GPR158: variants seen among roughly 807,000 people sequenced by gnomAD.
GPR158 encodes G protein-coupled receptor 158, also known as metabotropic glycine receptor.
GPR158 carries 30 observed loss-of-function variants against 78.2 expected under a neutral mutation model. The observed-to-expected ratio is 0.38, with a 90% CI of 0.29 to 0.52. The LOEUF (loss-of-function observed/expected upper bound fraction) is 0.52. GPR158 is among the 20% of genes least tolerant of loss of function. The pLI, the probability that GPR158 is intolerant of heterozygous loss-of-function variation, is 0.83. For synonymous variants in GPR158, 581 were observed against 591.1 expected (o/e 0.98, Z 0.25); for missense variants, 1,463 against 1,523.5 (o/e 0.96, Z 0.66).
chr10:25,504,763 A>T lies in GPR158; in HGVS notation c.1404+38044A>T, dbSNP rs538226301. 2.5e-3 allele frequency among the ~76,000 whole-genome samples: 379 copies of T among 152,102 alleles called. 4 individuals are homozygous for T. Among genetic ancestry groups the T allele is most frequent in the African/African-American group, 8.7e-3 (360 of 41,484 alleles). On this transcript the variant is annotated intron_variant, in intron 5 of 10. Coordinates refer to ENST00000376351, the MANE Select transcript of GPR158 (RefSeq NM_020752.3). ...GCTGAATACTCTTAAGTTTATATAA[A>T]TTTTTTTTATCCTTTCATGGGAAAG...
intron 5 of GPR158, among the ~76,000 whole-genome samples, chr10:25,487,321 G>A (rs1274889076): frequency 6.6e-6 from 1 of 152,114 alleles, no homozygotes; most frequent in African/African-American, 2.4e-5. Flanking sequence ...GGAGAAATTT[G>A]CACTTCTATA....
At position 25,299,876 on chromosome 10, in the gene GPR158, G is replaced by C. The variant is rs545003875; in HGVS notation, c.1008+78719G>C. On this transcript the variant is annotated intron_variant, in intron 2 of 10. Coordinates refer to ENST00000376351, the MANE Select transcript of GPR158 (RefSeq NM_020752.3). Reference sequence around the variant, plus strand: ...GAATCTCATTATGTCATCCAGGCTGGAGTGCGGTATCATGATCTCAGCTCA... The same window carrying C: ...GAATCTCATTATGTCATCCAGGCTGCAGTGCGGTATCATGATCTCAGCTCA... 5.9e-5 allele frequency among the ~76,000 whole-genome samples: 9 copies of C among 151,944 alleles called. No homozygotes were observed. In the East Asian group the frequency reaches 1.7e-3, roughly 29 times the overall value.
chr10:25,279,323 A>C (rs1160499707), intron 2 of GPR158, among the ~76,000 whole-genome samples: 2 of 152,194 alleles, frequency 1.3e-5, no homozygotes, highest in Admixed American at 1.3e-4. Context: ...CATTTTTCAG[A>C]TAAGAAACCT....
intron 4 of GPR158, among the ~76,000 whole-genome samples, chr10:25,434,065 A>G (rs1318017909): frequency 6.6e-6 from 1 of 152,114 alleles, no homozygotes; most frequent in Admixed American, 6.5e-5. Flanking sequence ...AGACTGAGGC[A>G]GGAGAATGGC....
chr10:25,292,733 C>A (rs1854457710), intron 2 of GPR158, among the ~76,000 whole-genome samples: 1 of 152,056 alleles, frequency 6.6e-6, no homozygotes, highest in Non-Finnish European at 1.5e-5. Context: ...TTGCTTTTAA[C>A]TTCCTCTCCC....
intron 2 of GPR158, among the ~76,000 whole-genome samples, chr10:25,387,117 G>A (rs539613239): frequency 2.0e-5 from 3 of 152,210 alleles, no homozygotes; most frequent in Admixed American, 2.0e-4. Context: ...GGTTTTTCAT[G>A]TATGATCTTT....
chr10:25,497,624 G>A (rs1835900406), intron 5 of GPR158, among the ~76,000 whole-genome samples: 1 of 152,034 alleles, frequency 6.6e-6, no homozygotes, highest in African/African-American at 2.4e-5. Context: ...TTAGTTTGTT[G>A]GATTTTTTTT....
intron 4 of GPR158, among the ~76,000 whole-genome samples, chr10:25,460,928 C>T (rs1416061905): frequency 6.6e-6 from 1 of 152,154 alleles, no homozygotes; most frequent in Non-Finnish European, 1.5e-5. Flanking sequence ...ATTATCATAT[C>T]TGTGATCACT....
Position 25,325,902 on chromosome 10 carries a change from A to ATTTTTT in GPR158, c.1009-70000_1009-69995dup, listed in dbSNP as rs34026835. On this transcript the variant is annotated intron_variant, in intron 2 of 10. Coordinates refer to ENST00000376351, the MANE Select transcript of GPR158 (RefSeq NM_020752.3). ...TTTAATACACCTATTGGCCATTTGT[A>ATTTTTT]TTTTTTTTTTTTTTGAGAAATGTCT... Among the ~76,000 whole-genome samples, 266 of 144,140 alleles carry ATTTTTT rather than the reference A, an allele frequency of 1.8e-3. 1 individual carries two copies. Among genetic ancestry groups the ATTTTTT allele is most frequent in the Middle Eastern group, 7.2e-3 (2 of 278 alleles). 94.6% of individuals were successfully genotyped at this position (144,140 alleles called of 152,430 possible). A position where few individuals can be genotyped will look rare whatever the true frequency, so the allele number is the denominator to read the frequency against.
chr10:25,250,771 G>A lies in GPR158; in HGVS notation c.1008+29614G>A, dbSNP rs983193911. ...TTTGGAATAGGTGTGGTGTGGTGCT[G>A]AAAAAAATGTATATTCTGTTGATTT... On this transcript the variant is annotated intron_variant, in intron 2 of 10. Transcript: ENST00000376351. Among the ~76,000 whole-genome samples the A allele has an allele frequency of 7.6e-4, 109 of 143,454 alleles. 1 individual carries two copies. In the Middle Eastern group the frequency reaches 0.018, roughly 24 times the overall value. 94.1% of individuals were successfully genotyped at this position (143,454 alleles called of 152,430 possible).
chr10:25,507,272 A>G (rs752762881), intron 5 of GPR158, among the ~76,000 whole-genome samples: 10 of 152,242 alleles, frequency 6.6e-5, no homozygotes, highest in Admixed American at 1.3e-4. Context: ...CTGCATGGAA[A>G]GAGAAGAATA....
intron 2 of GPR158, among the ~76,000 whole-genome samples, chr10:25,380,729 A>G (rs1224129573): frequency 6.6e-6 from 1 of 152,216 alleles, no homozygotes; most frequent in Non-Finnish European, 1.5e-5. Flanking sequence ...TAATGGTAAG[A>G]TCACTCTGTG....
intron 2 of GPR158, among the ~76,000 whole-genome samples, chr10:25,310,488 G>A (rs905044756): frequency 6.6e-6 from 1 of 152,104 alleles, no homozygotes; most frequent in Non-Finnish European, 1.5e-5. Context: ...GGGAAATATT[G>A]ACATTATAGT....
chr10:25,195,626 A>G (rs1588728912), intron 1 of GPR158, among the ~76,000 whole-genome samples: 1 of 152,236 alleles, frequency 6.6e-6, no homozygotes, highest in Admixed American at 6.5e-5. Flanking sequence ...AACAACTATC[A>G]TGGACATCTT....
At chr10:25,198,926 G>A (rs1363306709) in intron 1 of GPR158, among the ~76,000 whole-genome samples, 1 of 151,518 alleles carries the variant, frequency 6.6e-6, no homozygotes, top group Non-Finnish European at 1.5e-5. Flanking sequence ...TGACAAGGCA[G>A]CTTCTACTAT....
At chr10:25,547,802 A>G (rs1246578717) in intron 5 of GPR158, among the ~76,000 whole-genome samples, 2 of 152,178 alleles carry the variant, frequency 1.3e-5, no homozygotes, top group Non-Finnish European at 2.9e-5. Flanking sequence ...ATTTCCCTTC[A>G]GTAAAATCAA....
chr10:25,403,690 G>A (rs529995372), intron 3 of GPR158, among the ~76,000 whole-genome samples: 15 of 152,086 alleles, frequency 9.9e-5, no homozygotes, highest in African/African-American at 3.6e-4. Flanking sequence ...AGTCAGCTGT[G>A]CTAACTCATA....
At chr10:25,544,147 A>G (rs1836627523) in intron 5 of GPR158, among the ~76,000 whole-genome samples, 1 of 152,222 alleles carries the variant, frequency 6.6e-6, no homozygotes, top group Non-Finnish European at 1.5e-5. Flanking sequence ...TCATTCATCC[A>G]GCAATTATGC....
intron 7 of GPR158, among the ~76,000 whole-genome samples, chr10:25,585,520 G>A (rs1350609229): frequency 6.6e-6 from 1 of 152,204 alleles, no homozygotes; most frequent in African/African-American, 2.4e-5. Context: ...CTAGAGGGAA[G>A]AAAATTCAAT....
Sources: gnomAD v4.1 joint callset for allele counts (sites outside exome capture counted in the v4.1 genomes callset) on GRCh38, gnomAD v4.1.1 for gene constraint, MANE v1.5 for transcripts, NCBI Gene and HGNC (gene_info 2026-07-23, HGNC 2026-07-21) for gene names.